Variants in PIK3C2A observed in about 807,000 individuals in gnomAD.
PIK3C2A encodes phosphatidylinositol 4-phosphate 3-kinase C2 domain-containing subunit alpha.
Under a neutral mutation model 204.5 loss-of-function variants are expected in PIK3C2A, and 97 were observed. The ratio of observed to expected loss-of-function variants is 0.47; its 90% confidence interval spans 0.40 to 0.56. The LOEUF (loss-of-function observed/expected upper bound fraction) is 0.56, where lower values mean the gene tolerates loss of function less well. PIK3C2A is among the 20% of genes least tolerant of loss of function. The probability of loss-of-function intolerance (pLI) is 0.00; values close to 1 mark genes in which losing one functional copy is unlikely to be tolerated. For synonymous variants in PIK3C2A, 653 were observed against 664.4 expected, an observed-to-expected ratio of 0.98 and a Z score of 0.26; for missense variants, 1,735 against 1,969.2, an observed-to-expected ratio of 0.88 and a Z score of 2.25.
chr11:17,186,920 A>G (rs936971697), intron 1 of PIK3C2A, among the ~76,000 whole-genome samples: 20 of 152,196 alleles, frequency 1.3e-4, no homozygotes, highest in Admixed American at 2.0e-4. Context: ...CTCTATTAAA[A>G]ATACAAAAAT....
intron 27 of PIK3C2A, among the ~76,000 whole-genome samples, chr11:17,096,444 C>T (rs536683823): frequency 6.6e-6 from 1 of 152,140 alleles, no homozygotes; most frequent in African/African-American, 2.4e-5. Flanking sequence ...TATATATAAA[C>T]TTAAAGGTAG....
rs962082617 is a variant in PIK3C2A, at chr11:17,192,403, AT to A, written c.-66+15444del. On this transcript the variant is annotated intron_variant, in intron 1 of 32. Coordinates refer to ENST00000691414, the MANE Select transcript of PIK3C2A (RefSeq NM_002645.4). ...ACAACTCTTTTAACATATGAAAAAA[AT>A]AATTGCTTCTGGTCCAACAACTACA... 7.6e-4 allele frequency among the ~76,000 whole-genome samples: 116 copies of A among 152,340 alleles called. 1 individual carries two copies. The highest frequency in any genetic ancestry group is 5.3e-4 in the Non-Finnish European group (36 of 68,034).
intron 1 of PIK3C2A, among the ~76,000 whole-genome samples, chr11:17,184,981 T>G (rs902004467): frequency 6.6e-6 from 1 of 151,986 alleles, no homozygotes; most frequent in African/African-American, 2.4e-5. Flanking sequence ...AAATATATAT[T>G]TTTACAAATT....
At position 17,155,518 on chromosome 11, in the gene PIK3C2A, T is replaced by C. The variant is rs1850558591; in HGVS notation, c.1169+8A>G. On this transcript the variant is annotated splice_region_variant and intron_variant, in intron 3 of 32. Transcript: ENST00000691414. ...TCAAATGAACATTTATAAAGAAAAATTCCTTACTTTGTAATGGATCGACAA... is the reference window on the plus strand; with the variant it reads ...TCAAATGAACATTTATAAAGAAAAACTCCTTACTTTGTAATGGATCGACAA... 1 of 1,489,274 alleles carries C rather than the reference T, an allele frequency of 6.7e-7. No homozygotes were observed. Among genetic ancestry groups the C allele is most frequent in the Non-Finnish European group, 9.3e-7 (1 of 1,077,280 alleles). 92.3% of individuals were successfully genotyped at this position (1,489,274 alleles called of 1,614,324 possible). A position where few individuals can be genotyped will look rare whatever the true frequency, so the allele number is the denominator to read the frequency against.
intron 1 of PIK3C2A, among the ~76,000 whole-genome samples, chr11:17,173,038 A>G (rs558403118): frequency 6.6e-6 from 1 of 152,296 alleles, no homozygotes; most frequent in African/African-American, 2.4e-5. Flanking sequence ...CTTGTCCTTC[A>G]GGGCCCAATT....
chr11:17,159,599 T>A (rs912400107), intron 2 of PIK3C2A, among the ~76,000 whole-genome samples: 28 of 152,234 alleles, frequency 1.8e-4, no homozygotes, highest in African/African-American at 6.8e-4. Flanking sequence ...TCCATCAGGA[T>A]CACTGAGACA....
intron 1 of PIK3C2A, among the ~76,000 whole-genome samples, chr11:17,177,857 C>G (rs1426588699): frequency 6.6e-6 from 1 of 152,076 alleles, no homozygotes; most frequent in Non-Finnish European, 1.5e-5. Flanking sequence ...CTTTGGGAGG[C>G]CAAGGCAGGT....
intron 26 of PIK3C2A, among the ~76,000 whole-genome samples, chr11:17,097,524 TATAG>T (rs1322939932): frequency 5.3e-5 from 8 of 152,206 alleles, no homozygotes; most frequent in African/African-American, 1.7e-4. Flanking sequence ...AAAGAGCTAT[TATAG>T]ATAGATGATG....
chr11:17,091,365 C>T lies in PIK3C2A; in HGVS notation c.4847G>A (p.Arg1616Gln), dbSNP rs1848306648. The change falls in exon 32 of 33, where the codon CGA becomes CAA. Residue 1616 changes from arginine (R) to glutamine (Q), a missense_variant. By Grantham distance (43) the Arg-to-Gln change is conservative (BLOSUM62 1). Transcript: ENST00000691414. Reference sequence around the variant, plus strand: ...ATTGAATGTCGGATTCCTCGTTTTTCGTGAAATTTTGGTTTTACGTTTGGA... The same window carrying T: ...ATTGAATGTCGGATTCCTCGTTTTTTGTGAAATTTTGGTTTTACGTTTGGA... ...KTSKRKTKIS[R>Q]KTRNPTFNEM... The T allele has an allele frequency of 1.2e-6, 2 of 1,612,924 alleles. No homozygotes were observed. Among genetic ancestry groups the T allele is most frequent in the Non-Finnish European group, 1.7e-6 (2 of 1,179,444 alleles).
chr11:17,135,106 C>G lies in PIK3C2A; in HGVS notation c.1897+5G>C. 4 of 1,613,842 alleles carry G rather than the reference C, an allele frequency of 2.5e-6. No individual in the cohort carries two copies. Among genetic ancestry groups the G allele is most frequent in the Non-Finnish European group, 3.4e-6 (4 of 1,179,794 alleles). ...TTGCTAAAATTTAAAGATTTAAACA[C>G]ATACCCCTAGTTGAACTCCTGCTAG... On this transcript the variant is annotated splice_donor_5th_base_variant and intron_variant, in intron 10 of 32. Transcript: ENST00000691414.
chr11:17,164,345 C>A (rs1850878873), intron 2 of PIK3C2A, among the ~76,000 whole-genome samples: 1 of 142,244 alleles, frequency 7.0e-6, no homozygotes, highest in South Asian at 2.2e-4. Flanking sequence ...CAGTGTGAGA[C>A]CCTGTCTTAA....
In PIK3C2A at chr11:17,186,676, C is replaced by T. The variant is rs531771180; in HGVS notation, c.-65-16870G>A. On this transcript the variant is annotated intron_variant, in intron 1 of 32. Transcript: ENST00000691414. ...GGGAAAAAAATCCATATGTATATCTCGGAATTCTTCTTCAGAGCCACATGG... is the reference window on the plus strand; with the variant it reads ...GGGAAAAAAATCCATATGTATATCTTGGAATTCTTCTTCAGAGCCACATGG... Among the ~76,000 whole-genome samples, 13 of 152,290 alleles carry T rather than the reference C, an allele frequency of 8.5e-5. No homozygotes were observed. The East Asian group carries it at 1.5e-3, about 18-fold the overall frequency.
In PIK3C2A at chr11:17,136,516, C is replaced by T. The variant is rs1048390505; in HGVS notation, c.1814G>A (p.Arg605Lys). Residue 605 changes from arginine to lysine, a missense_variant, in exon 9 of 33, where the codon AGA becomes AAA. Physicochemically the swap from Arg to Lys is conservative, Grantham distance 26. Coordinates refer to ENST00000691414, the MANE Select transcript of PIK3C2A (RefSeq NM_002645.4). ...AITESVKKLK[R>K]AVNLPRSKTA... ...TTTACTCCTTGGAAGATTAACTGCT[C>T]TCTTTAGCTTCTTTACTGATTCTGT... The T allele has an allele frequency of 6.2e-7, 1 of 1,610,656 alleles. No homozygotes were observed. The highest frequency in any genetic ancestry group is 1.3e-5 in the African/African-American group (1 of 74,980).
At chr11:17,092,931 T>G (rs1282056650) in intron 28 of PIK3C2A, among the ~76,000 whole-genome samples, 2 of 152,196 alleles carry the variant, frequency 1.3e-5, no homozygotes, top group East Asian at 3.8e-4. Context: ...TTTATCCAGA[T>G]CTGATCCCTA....
intron 2 of PIK3C2A, among the ~76,000 whole-genome samples, chr11:17,167,291 T>C (rs181498142): frequency 1.3e-5 from 2 of 152,280 alleles, no homozygotes; most frequent in Non-Finnish European, 2.9e-5. Flanking sequence ...TAACACCGAT[T>C]TCTCTTCCTT....
chr11:17,190,306 G>A lies in PIK3C2A; in HGVS notation c.-66+17542C>T, dbSNP rs140001068. Among the ~76,000 whole-genome samples, 255 of 151,862 alleles carry A rather than the reference G, an allele frequency of 1.7e-3. 5 individuals are homozygous for A. In the East Asian group the frequency reaches 0.044, roughly 26 times the overall value. On this transcript the variant is annotated intron_variant, in intron 1 of 32. Transcript: ENST00000691414. ...AAAATAATTATGATAGGCTGGGTGC[G>A]GTGGCTCACACCTGTAATCCCAGAA...
At chr11:17,118,108 G>C (rs1193408139) in intron 18 of PIK3C2A, among the ~76,000 whole-genome samples, 2 of 142,348 alleles carry the variant, frequency 1.4e-5, no homozygotes, top group Non-Finnish European at 3.0e-5. Flanking sequence ...GTCTGGCTCT[G>C]TTGCCCAGGC....
intron 15 of PIK3C2A, among the ~76,000 whole-genome samples, chr11:17,121,228 C>T (rs973904188): frequency 6.6e-6 from 1 of 152,034 alleles, no homozygotes; most frequent in Non-Finnish European, 1.5e-5. Context: ...AGCAATTCTC[C>T]CACCTCAGCC....
chr11:17,176,773 G>A (rs1032249217), intron 1 of PIK3C2A, among the ~76,000 whole-genome samples: 1 of 152,094 alleles, frequency 6.6e-6, no homozygotes, highest in African/African-American at 2.4e-5. Context: ...GGGACAGAAT[G>A]AGTTTCTGTC....
Sources: gnomAD v4.1 joint callset for allele counts (sites outside exome capture counted in the v4.1 genomes callset) on GRCh38, gnomAD v4.1.1 for gene constraint, MANE v1.5 for transcripts, NCBI Gene and HGNC (gene_info 2026-07-23, HGNC 2026-07-21) for gene names.